The following CUL3 variants were observed in gnomAD, a reference collection of about 807,000 sequenced individuals.
The protein encoded by CUL3 is cullin-3.
Under a neutral mutation model 89.1 loss-of-function variants are expected in CUL3, and 19 were observed. That is an observed-to-expected ratio of 0.21 (90% confidence interval 0.15 to 0.31). The LOEUF (loss-of-function observed/expected upper bound fraction) is 0.31. CUL3 is among the 10% of genes least tolerant of loss of function. The pLI, the probability that CUL3 is intolerant of heterozygous loss-of-function variation, is 1.00. For missense variants in CUL3, 469 were observed against 942.3 expected (o/e 0.50, Z 6.58); for synonymous variants, 351 against 308.4 (o/e 1.14, Z -1.45).
In CUL3 at chr2:224,514,622, C is replaced by A. The variant is rs753115026; in HGVS notation, c.529G>T (p.Val177Phe). 4.3e-6 allele frequency: 7 copies of A among 1,611,376 alleles called. No individual in the cohort carries two copies. The highest frequency in any genetic ancestry group is 5.9e-6 in the Non-Finnish European group (7 of 1,178,336). Residue 177 changes from valine to phenylalanine, a missense_variant, in exon 4 of 16, where the codon GTC (valine) becomes TTC (phenylalanine). This residue lies in a region of CUL3 where 370 missense variants were observed against 733.2 expected (regional missense o/e 0.50). Coordinates refer to ENST00000264414, the MANE Select transcript of CUL3 (RefSeq NM_003590.5). Reference protein sequence around the residue: ...DMIARERKGEVVDRGAIRNAC... With the variant: ...DMIARERKGEFVDRGAIRNAC... ...AGAGAGAAATTTTACCTGTCTACGA[C>A]TTCTCCTTTCCGCTCTCTTGCAATC...
intron 13 of CUL3, among the ~76,000 whole-genome samples, chr2:224,482,353 G>C (rs1018335030): frequency 1.3e-5 from 2 of 152,098 alleles, no homozygotes; most frequent in Non-Finnish European, 2.9e-5. Context: ...TTATCCAGCA[G>C]AGATTATCAG....
At chr2:224,480,771 A>T (rs1456368892) in intron 14 of CUL3, among the ~76,000 whole-genome samples, 2 of 152,188 alleles carry the variant, frequency 1.3e-5, no homozygotes, top group Non-Finnish European at 2.9e-5. Context: ...GCATCTGCCC[A>T]AATGTATAAA....
chr2:224,478,249 C>T lies in CUL3; in HGVS notation c.2126G>A (p.Arg709Gln), dbSNP rs1159640544. ...RKHEIEAAIV[R>Q]IMKSRKKMQH... ...CATCTTCTTTCTAGATTTCATTATC[C>T]GCACTATAGCAGCTTCTATCTCATG... The change falls in exon 15 of 16, where the codon CGG becomes CAG. Residue 709 changes from arginine (R) to glutamine (Q), a missense_variant. This residue lies in a region of CUL3 where 65 missense variants were observed against 147.8 expected (regional missense o/e 0.44). Transcript: ENST00000264414. 1 of 1,613,262 alleles carries T rather than the reference C, an allele frequency of 6.2e-7. No homozygotes were observed.
chr2:224,549,139 A>G (rs1293403861), intron 2 of CUL3, among the ~76,000 whole-genome samples: 1 of 152,044 alleles, frequency 6.6e-6, no homozygotes, highest in African/African-American at 2.4e-5. Context: ...CAACATGGCA[A>G]AACACCATAT....
rs1219124077 is a variant in CUL3 at position 224,506,168 on chromosome 2, A to G, written c.1030-36T>C. On this transcript the variant is annotated intron_variant, in intron 7 of 15. Transcript: ENST00000264414. ...AAAACAAAATTTAGGACACATTATAATAATTTTTCCATAAATAATACACTT... is the reference window on the plus strand; with the variant it reads ...AAAACAAAATTTAGGACACATTATAGTAATTTTTCCATAAATAATACACTT... 10 of 1,420,506 alleles carry G rather than the reference A, an allele frequency of 7.0e-6. No individual in the cohort carries two copies. The South Asian group carries it at 7.9e-5, about 11-fold the overall frequency. The allele number at this position is 1,420,506 out of a possible 1,614,324, so 88.0% of individuals were successfully genotyped here.
intron 1 of CUL3, among the ~76,000 whole-genome samples, chr2:224,568,660 C>T (rs1361735509): frequency 6.6e-6 from 1 of 152,164 alleles, no homozygotes; most frequent in Non-Finnish European, 1.5e-5. Flanking sequence ...TTTTCCCATT[C>T]ACCTAAAGGC....
chr2:224,519,975 T>C (rs1693203397), intron 3 of CUL3, among the ~76,000 whole-genome samples: 1 of 152,112 alleles, frequency 6.6e-6, no homozygotes, highest in South Asian at 2.1e-4. Flanking sequence ...AATGTCTTAA[T>C]CCCAGGCTTT....
chr2:224,493,590 T>C (rs1692063239), intron 13 of CUL3, among the ~76,000 whole-genome samples: 1 of 152,230 alleles, frequency 6.6e-6, no homozygotes, highest in African/African-American at 2.4e-5. Flanking sequence ...CTTATTAGCA[T>C]CAATGATTCC....
intron 13 of CUL3, among the ~76,000 whole-genome samples, chr2:224,488,269 CAGAACTGA>C (rs913516768): frequency 6.7e-6 from 1 of 149,494 alleles, no homozygotes; most frequent in Non-Finnish European, 1.5e-5. Context: ...TAAGAGAAAA[CAGAACTGA>C]AGGAGATAAG....
intron 1 of CUL3, chr2:224,569,782 A>G (rs761525879): frequency 6.8e-6 from 8 of 1,176,630 alleles, no homozygotes; most frequent in Non-Finnish European, 7.5e-6. Flanking sequence ...TCTACTACAT[A>G]CAAAGGACAA....
At chr2:224,578,193 A>C (rs1695352922) in intron 1 of CUL3, among the ~76,000 whole-genome samples, 3 of 152,320 alleles carry the variant, frequency 2.0e-5, no homozygotes. Flanking sequence ...CTAAATAGTC[A>C]TAGTTGCAAT....
At chr2:224,527,432 C>T (rs952947012) in intron 3 of CUL3, among the ~76,000 whole-genome samples, 20 of 152,174 alleles carry the variant, frequency 1.3e-4, no homozygotes, top group Non-Finnish European at 1.6e-4. Flanking sequence ...AAATTCTCCA[C>T]GGTAGCTTTA....
intron 3 of CUL3, among the ~76,000 whole-genome samples, chr2:224,531,696 G>A (rs1254444778): frequency 2.0e-5 from 3 of 151,774 alleles, no homozygotes; most frequent in Admixed American, 2.0e-4. Context: ...AAGCTTACCA[G>A]AAATATAAGG....
At chr2:224,488,087 C>T (rs760835775) in intron 13 of CUL3, among the ~76,000 whole-genome samples, 6 of 152,122 alleles carry the variant, frequency 3.9e-5, no homozygotes, top group African/African-American at 1.2e-4. Flanking sequence ...CTCTGGGACA[C>T]GGCTAAAGCA....
chr2:224,515,323 AACATGATT>A (rs1360880058), intron 3 of CUL3, among the ~76,000 whole-genome samples: 18 of 152,364 alleles, frequency 1.2e-4, no homozygotes, highest in African/African-American at 4.1e-4. Context: ...AGTTCTTACC[AACATGATT>A]ACAGATATCT....
chr2:224,573,553 G>T (rs891212266), intron 1 of CUL3, among the ~76,000 whole-genome samples: 4 of 152,156 alleles, frequency 2.6e-5, no homozygotes, highest in South Asian at 2.1e-4. Flanking sequence ...GCTTACGAAG[G>T]CTTCTTCCAA....
At chr2:224,493,244 C>T (rs1692050550) in intron 13 of CUL3, among the ~76,000 whole-genome samples, 1 of 152,136 alleles carries the variant, frequency 6.6e-6, no homozygotes, top group African/African-American at 2.4e-5. Flanking sequence ...TGAACTCACA[C>T]AGAATATTCA....
intron 6 of CUL3, among the ~76,000 whole-genome samples, chr2:224,508,730 C>T (rs752073540): frequency 1.3e-5 from 2 of 152,050 alleles, no homozygotes; most frequent in African/African-American, 2.4e-5. Context: ...GAGGCTGAGA[C>T]GGGCGGATCA....
In CUL3 at chr2:224,485,821, C is replaced by A. The variant is rs997984461; in HGVS notation, c.1843-3743G>T. Reference sequence around the variant, plus strand: ...CCCCATGCCTCCCTGACAGGAGACACCTCCCAGCAGGGGTCAACAGACACC... The same window carrying A: ...CCCCATGCCTCCCTGACAGGAGACAACTCCCAGCAGGGGTCAACAGACACC... On this transcript the variant is annotated intron_variant, in intron 13 of 15. Coordinates refer to ENST00000264414, the MANE Select transcript of CUL3 (RefSeq NM_003590.5). This position sits in a 1 kb window ranked among gnomAD's most constrained non-coding sequence, Gnocchi z 4.1. Among the ~76,000 whole-genome samples the A allele has an allele frequency of 1.2e-4, 19 of 152,340 alleles. No individual in the cohort carries two copies. The East Asian group carries it at 3.3e-3, about 26-fold the overall frequency.
Sources: gnomAD v4.1 joint callset for allele counts (sites outside exome capture counted in the v4.1 genomes callset) on GRCh38, gnomAD v4.1.1 for gene constraint, gnomAD v4.1.1 regional missense constraint, Gnocchi (gnomAD v3.1) non-coding constraint, MANE v1.5 for transcripts, NCBI Gene and HGNC (gene_info 2026-07-23, HGNC 2026-07-21) for gene names.